Variants in NDUFAF2 observed in about 807,000 individuals in gnomAD.
NDUFAF2 encodes the protein NADH:ubiquinone oxidoreductase complex assembly factor 2.
A neutral mutation model predicts 22.8 loss-of-function variants in NDUFAF2; 13 were observed. The observed-to-expected ratio is 0.57, with a 90% confidence interval of 0.37 to 0.91. The LOEUF is 0.91. Ranked by LOEUF, NDUFAF2 falls within the 40% of genes least tolerant of loss-of-function variation. NDUFAF2 has a pLI of 0.01. For missense variants in NDUFAF2, 162 were observed against 195.2 expected, an observed-to-expected ratio of 0.83 and a Z score of 1.01; for synonymous variants, 53 against 64.2, an observed-to-expected ratio of 0.83 and a Z score of 0.84.
intron 1 of NDUFAF2, among the ~76,000 whole-genome samples, chr5:61,056,378 A>G (rs575294836): frequency 5.6e-4 from 85 of 152,322 alleles, no homozygotes; most frequent in Admixed American, 2.0e-3. Context: ...TGCAAGATTA[A>G]TGGTCTTTTT....
chr5:61,062,222 G>A (rs979671347), intron 1 of NDUFAF2, among the ~76,000 whole-genome samples: 8 of 152,146 alleles, frequency 5.3e-5, no homozygotes, highest in Non-Finnish European at 7.4e-5. Flanking sequence ...AGAAATGGAA[G>A]TTTACTAATT....
intron 1 of NDUFAF2, among the ~76,000 whole-genome samples, chr5:60,971,044 ATTTGTC>A (rs1001361821): frequency 3.2e-4 from 49 of 151,490 alleles, no homozygotes; most frequent in Non-Finnish European, 6.3e-4. Flanking sequence ...GTTATTTATA[ATTTGTC>A]TTTATTGTGA....
intron 1 of NDUFAF2, among the ~76,000 whole-genome samples, chr5:61,039,669 G>A (rs573000621): frequency 5.8e-4 from 88 of 152,306 alleles, no homozygotes; most frequent in African/African-American, 2.0e-3. Context: ...CTCAGGTGGT[G>A]AGATAGCCAG....
rs185143179 is a variant in NDUFAF2, at chr5:61,021,821, G to C, written c.128-51304G>C. Among the ~76,000 whole-genome samples, 70 of 152,212 alleles carry C rather than the reference G, an allele frequency of 4.6e-4. 1 individual carries two copies. The highest frequency in any genetic ancestry group is 1.6e-3 in the African/African-American group (67 of 41,538). On this transcript the variant is annotated intron_variant, in intron 1 of 3. Transcript: ENST00000296597. ...TCTAAATGCCTTCTGCATTAATCAG[G>C]CTTCTCTAGAGAAACAGAACCAACA...
At chr5:61,071,975 A>G (rs1398066115) in intron 1 of NDUFAF2, among the ~76,000 whole-genome samples, 2 of 152,232 alleles carry the variant, frequency 1.3e-5, no homozygotes, top group Non-Finnish European at 2.9e-5. Flanking sequence ...AATATGCACT[A>G]ATCAACTTTT....
chr5:61,100,073 C>T (rs183175036), intron 3 of NDUFAF2, among the ~76,000 whole-genome samples: 13 of 152,102 alleles, frequency 8.5e-5, no homozygotes, highest in Admixed American at 3.3e-4. Flanking sequence ...GCCTACTTTT[C>T]GCAGACCCTT....
chr5:61,001,444 CT>C (rs1396133962), intron 1 of NDUFAF2, among the ~76,000 whole-genome samples: 5 of 152,068 alleles, frequency 3.3e-5, no homozygotes, highest in Non-Finnish European at 7.4e-5. Flanking sequence ...GTTCATCACG[CT>C]TATGTGCTGT....
chr5:61,123,310 C>T (rs367666302), intron 3 of NDUFAF2, among the ~76,000 whole-genome samples: 22 of 152,090 alleles, frequency 1.4e-4, no homozygotes, highest in African/African-American at 4.8e-4. Flanking sequence ...ATTTCGTCGT[C>T]GTGCAAATAT....
intron 1 of NDUFAF2, among the ~76,000 whole-genome samples, chr5:60,992,197 A>G (rs943538381): frequency 3.3e-5 from 5 of 152,140 alleles, no homozygotes; most frequent in Non-Finnish European, 7.3e-5. Flanking sequence ...CTGGTTATTA[A>G]TCCCTTGTCA....
chr5:61,041,106 TTAAAG>T (rs1323715931), intron 1 of NDUFAF2, among the ~76,000 whole-genome samples: 10 of 152,184 alleles, frequency 6.6e-5, no homozygotes, highest in Non-Finnish European at 1.3e-4. Flanking sequence ...ACAAATGTGT[TTAAAG>T]TAACATGGTA....
chr5:60,979,924 A>T (rs1412061659), intron 1 of NDUFAF2, among the ~76,000 whole-genome samples: 1 of 152,112 alleles, frequency 6.6e-6, no homozygotes, highest in Non-Finnish European at 1.5e-5. Flanking sequence ...GACCACAGGG[A>T]TGCTTGTTTT....
chr5:61,127,909 C>T (rs1018027342), intron 3 of NDUFAF2, among the ~76,000 whole-genome samples: 2 of 152,136 alleles, frequency 1.3e-5, no homozygotes, highest in Admixed American at 6.6e-5. Flanking sequence ...TGTCTCAGCC[C>T]AAAATCTCCT....
intron 3 of NDUFAF2, among the ~76,000 whole-genome samples, chr5:61,149,210 A>G (rs942954358): frequency 6.6e-6 from 1 of 152,148 alleles, no homozygotes; most frequent in African/African-American, 2.4e-5. Context: ...ACCTCAAGTG[A>G]TCTGCCCGCT....
chr5:60,975,752 T>C (rs1750893918), intron 1 of NDUFAF2, among the ~76,000 whole-genome samples: 1 of 152,112 alleles, frequency 6.6e-6, no homozygotes, highest in Non-Finnish European at 1.5e-5. Flanking sequence ...GAATGAGCCA[T>C]AAAGTAGAAG....
At chr5:61,054,021 C>T (rs34639) in intron 1 of NDUFAF2, among the ~76,000 whole-genome samples, 97,022 of 151,802 alleles carry the variant, frequency 0.64, 31,421 homozygotes, top group East Asian at 0.94. Flanking sequence ...GGCAACATCA[C>T]GAGACCCCAT....
At chr5:61,006,161 G>A (rs1751363747) in intron 1 of NDUFAF2, among the ~76,000 whole-genome samples, 2 of 152,090 alleles carry the variant, frequency 1.3e-5, no homozygotes, top group South Asian at 4.1e-4. Flanking sequence ...TCTACATATG[G>A]CTAGCCAGTT....
At chr5:61,015,013 G>T (rs1475416329) in intron 1 of NDUFAF2, among the ~76,000 whole-genome samples, 1 of 152,146 alleles carries the variant, frequency 6.6e-6, no homozygotes, top group Non-Finnish European at 1.5e-5. Context: ...TAATAATGCA[G>T]AATTTTTGTT....
intron 3 of NDUFAF2, among the ~76,000 whole-genome samples, chr5:61,106,083 A>C (rs771927392): frequency 6.6e-6 from 1 of 151,636 alleles, no homozygotes; most frequent in Non-Finnish European, 1.5e-5. Context: ...CTAACCAATA[A>C]ATATAGAAGA....
intron 2 of NDUFAF2, chr5:61,083,429 T>A (rs1472046221): frequency 6.6e-6 from 1 of 152,100 alleles, no homozygotes; most frequent in Non-Finnish European, 1.5e-5. Context: ...TTTTGTTGCT[T>A]ACTGCAAACT....
Sources: gnomAD v4.1 joint callset for allele counts (sites outside exome capture counted in the v4.1 genomes callset) on GRCh38, gnomAD v4.1.1 for gene constraint, MANE v1.5 for transcripts, NCBI Gene and HGNC (gene_info 2026-07-23, HGNC 2026-07-21) for gene names.